Variants in MAP2K7 observed in about 807,000 individuals in gnomAD.
MAP2K7 encodes mitogen-activated protein kinase kinase 7, also known as dual specificity mitogen-activated protein kinase kinase 7.
MAP2K7 carries 12 observed loss-of-function variants against 47.7 expected under a neutral mutation model. The observed-to-expected ratio is 0.25, with a 90% CI of 0.16 to 0.41. MAP2K7 has a LOEUF of 0.41. MAP2K7 is among the 10% of genes least tolerant of loss of function. The pLI is 1.00. For synonymous variants in MAP2K7, 299 were observed against 243.0 expected, an observed-to-expected ratio of 1.23 and a Z score of -2.14; for missense variants, 415 against 600.3, an observed-to-expected ratio of 0.69 and a Z score of 3.23.
At chr19:7,905,730 TC>T in intron 1 of MAP2K7, 2 of 1,278,224 alleles carry the variant, frequency 1.6e-6, no homozygotes, top group Middle Eastern at 3.7e-4. Flanking sequence ...TGATTTGATT[TC>T]TTTTCTTTTG....
intron 1 of MAP2K7, among the ~76,000 whole-genome samples, chr19:7,905,544 CT>C (rs751845867): frequency 1.6e-4 from 24 of 152,186 alleles, no homozygotes; most frequent in Non-Finnish European, 2.5e-4. Flanking sequence ...TCCCGGGTGC[CT>C]TCAGGGGTGG....
chr19:7,911,910 G>T (rs1190629664), intron 9 of MAP2K7, among the ~76,000 whole-genome samples: 1 of 152,138 alleles, frequency 6.6e-6, no homozygotes, highest in Non-Finnish European at 1.5e-5. Flanking sequence ...CCTTTCTGGG[G>T]GACCTCAGCC....
chr19:7,910,156 G>T, intron 3 of MAP2K7, 27 bp downstream of exon 3: 7 of 1,594,374 alleles, frequency 4.4e-6, no homozygotes, highest in Non-Finnish European at 6.0e-6. Context: ...GGCGGGGAGA[G>T]GGAGGAGGCC....
At chr19:7,910,221 G>A (rs1397745673) in intron 3 of MAP2K7, 39 bp from the exon 4 acceptor site, 2 of 1,606,990 alleles carry the variant, frequency 1.2e-6, no homozygotes. Flanking sequence ...GGCGGTGGCA[G>A]AGGCCCCAGG....
chr19:7,911,170 G>C lies in MAP2K7; in HGVS notation c.855+11G>C. The stretch of plus-strand genomic sequence containing the variant: ...GCCGCCTACATGGCAGTGAGTGGGG[G>C]CCCCCCAGCGGGGGAGGGGGTGGGG... On this transcript the variant is annotated intron_variant, in intron 7 of 10. Coordinates refer to ENST00000397979, the MANE Select transcript of MAP2K7 (RefSeq NM_145185.4). 6.2e-7 allele frequency: 1 copy of C among 1,605,236 alleles called. No individual in the cohort carries two copies. Among genetic ancestry groups the C allele is most frequent in the Non-Finnish European group, 8.5e-7 (1 of 1,175,952 alleles).
At chr19:7,909,955 G>A in intron 2 of MAP2K7, 59 bp downstream of exon 2, 6 of 1,505,166 alleles carry the variant, frequency 4.0e-6, no homozygotes, top group African/African-American at 1.4e-5. Context: ...CACCGTGCCA[G>A]CCCTGGGAGG....
At chr19:7,904,480 TG>T (rs1413531515) in intron 1 of MAP2K7, 10 of 367,222 alleles carry the variant, frequency 2.7e-5, no homozygotes, top group South Asian at 5.5e-5. Context: ...TCCCCCGGCC[TG>T]GGGGCTTGTC....
intron 1 of MAP2K7, among the ~76,000 whole-genome samples, chr19:7,907,832 CAAG>C (rs1451039508): frequency 6.6e-6 from 1 of 151,840 alleles, no homozygotes; most frequent in Non-Finnish European, 1.5e-5. Flanking sequence ...GGCAGTGTCT[CAAG>C]AGATGCCAGG....
Position 7,913,595 on chromosome 19 carries a change from C to T in MAP2K7, c.*1164C>T, listed in dbSNP as rs78114760. 0.037 allele frequency: 5,632 copies of T among 151,958 alleles called. 126 individuals carry two copies. The highest frequency in any genetic ancestry group is 0.057 in the Admixed American group (865 of 15,288). The allele number at this position is 151,958 out of a possible 1,614,324, so 9.4% of individuals were successfully genotyped here. On this transcript the variant is annotated 3_prime_UTR_variant, in exon 11 of 11. Transcript: ENST00000397979. ...CGTCCCTCCACTCACCCACACCTGG[C>T]CCAGTCCACGTTGAGGTCCAGGACT...
In MAP2K7 at chr19:7,912,463, CA is replaced by C. The variant is rs1982952912; in HGVS notation, c.*33del. On this transcript the variant is annotated 3_prime_UTR_variant, in exon 11 of 11. Coordinates refer to ENST00000397979, the MANE Select transcript of MAP2K7 (RefSeq NM_145185.4). ...GGCGGCGGCCAGCCCCACAGGGGGC[CA>C]GGGGCATGGCCACAGGCCCCCCTCC... 1 of 1,592,910 alleles carries C rather than the reference CA, an allele frequency of 6.3e-7. No individual in the cohort carries two copies. The highest frequency in any genetic ancestry group is 8.5e-7 in the Non-Finnish European group (1 of 1,173,808).
chr19:7,904,151 C>T (rs1982275344), intron 1 of MAP2K7, 83 bp downstream of exon 1: 4 of 1,112,820 alleles, frequency 3.6e-6, no homozygotes, highest in East Asian at 8.0e-5. Flanking sequence ...CCACAAGGCC[C>T]CGCCCCCGCT....
rs1032014287 is a variant in MAP2K7, at chr19:7,913,909, A to G, written c.*1478A>G. 1 of 152,456 alleles carries G rather than the reference A, an allele frequency of 6.6e-6. No individual in the cohort carries two copies. Among genetic ancestry groups the G allele is most frequent in the Non-Finnish European group, 1.5e-5 (1 of 68,032 alleles). 9.4% of individuals were successfully genotyped at this position (152,456 alleles called of 1,614,324 possible). On this transcript the variant is annotated 3_prime_UTR_variant, in exon 11 of 11. Coordinates refer to ENST00000397979, the MANE Select transcript of MAP2K7 (RefSeq NM_145185.4). Reference sequence around the variant, plus strand: ...TAGCCTGTTGACTCTTGTTATTATCATGATATTCACAAAACGCCGCATGTT... The same window carrying G: ...TAGCCTGTTGACTCTTGTTATTATCGTGATATTCACAAAACGCCGCATGTT...
At position 7,904,040 on chromosome 19, in the gene MAP2K7, G is replaced by A; in HGVS notation, c.96G>A (p.Leu32=). The A allele has an allele frequency of 7.4e-7, 1 of 1,356,404 alleles. No individual in the cohort carries two copies. Among genetic ancestry groups the A allele is most frequent in the Non-Finnish European group, 9.7e-7 (1 of 1,028,122 alleles). The allele number at this position is 1,356,404 out of a possible 1,614,324, so 84.0% of individuals were successfully genotyped here. ...CCCGGCGGAGGATCGACCTCAACCTGGATATCAGCCCCCAGCGGCCCAGGC... is the reference window on the plus strand; with the variant it reads ...CCCGGCGGAGGATCGACCTCAACCTAGATATCAGCCCCCAGCGGCCCAGGC... The part of the protein sequence containing the change: ...REARRRIDLN[L]DISPQRPRPT... The change falls in exon 1 of 11, where the codon CTG becomes CTA. Residue 32 remains leucine, a synonymous_variant. Transcript: ENST00000397979.
In MAP2K7 at chr19:7,912,466, G is replaced by A; in HGVS notation, c.*35G>A. The A allele has an allele frequency of 6.3e-7, 1 of 1,586,842 alleles. No individual in the cohort carries two copies. Among genetic ancestry groups the A allele is most frequent in the Non-Finnish European group, 8.5e-7 (1 of 1,171,158 alleles). On this transcript the variant is annotated 3_prime_UTR_variant, in exon 11 of 11. Coordinates refer to ENST00000397979, the MANE Select transcript of MAP2K7 (RefSeq NM_145185.4). ...GGCGGCCAGCCCCACAGGGGGCCAG[G>A]GGCATGGCCACAGGCCCCCCTCCCC...
intron 1 of MAP2K7, 107 bp downstream of exon 1, chr19:7,904,175 C>G: frequency 2.2e-6 from 2 of 913,074 alleles, no homozygotes; most frequent in Non-Finnish European, 2.8e-6. Context: ...GGGGCGCTCG[C>G]TCTCCTCTCC....
At chr19:7,907,647 C>G (rs921412662) in intron 1 of MAP2K7, among the ~76,000 whole-genome samples, 3 of 152,214 alleles carry the variant, frequency 2.0e-5, no homozygotes, top group African/African-American at 7.2e-5. Flanking sequence ...CTTCCATCCC[C>G]CCATGCTCCA....
intron 9 of MAP2K7, 135 bp downstream of exon 9, chr19:7,911,713 G>A (rs937653726): frequency 1.3e-4 from 125 of 926,712 alleles, no homozygotes; most frequent in Admixed American, 5.4e-4. Context: ...CCTGGCTGGC[G>A]GCTGCCACAG....
chr19:7,905,476 G>A (rs559398824), intron 1 of MAP2K7, among the ~76,000 whole-genome samples: 1 of 152,310 alleles, frequency 6.6e-6, no homozygotes, highest in Admixed American at 6.5e-5. Context: ...GTCCCTGCTA[G>A]CCCCTGGGGG....
At position 7,912,735 on chromosome 19, in the gene MAP2K7, AG is replaced by A; in HGVS notation, c.*308del. 1 of 428,446 alleles carries A rather than the reference AG, an allele frequency of 2.3e-6. No homozygotes were observed. Among genetic ancestry groups the A allele is most frequent in the Non-Finnish European group, 4.2e-6 (1 of 235,406 alleles). The allele number at this position is 428,446 out of a possible 1,614,324, so 26.5% of individuals were successfully genotyped here. On this transcript the variant is annotated 3_prime_UTR_variant, in exon 11 of 11. Transcript: ENST00000397979. ...CAGCCTCTGGGCCGGGGCGGCCCCC[AG>A]GGGCCAGGAGAGAGCCCTGGAGTCC... is the stretch of plus-strand genomic sequence containing the variant.
Sources: allele counts gnomAD v4.1 joint callset (sites outside exome capture counted in the v4.1 genomes callset), GRCh38; gene constraint gnomAD v4.1.1; transcripts MANE v1.5; gene names NCBI Gene and HGNC (gene_info 2026-07-23, HGNC 2026-07-21).